The following SDK1 variants were observed in gnomAD, a reference collection of about 807,000 sequenced individuals.
SDK1 encodes the protein sidekick cell adhesion molecule 1, also known as protein sidekick-1.
SDK1 carries 157 observed loss-of-function variants against 245.5 expected under a neutral mutation model. The observed-to-expected ratio is 0.64, with a 90% CI of 0.56 to 0.73. The LOEUF is 0.73. SDK1 is among the 30% of genes least tolerant of loss of function. The pLI is 0.00. For synonymous variants in SDK1, 1,647 were observed against 1,278.5 expected, an observed-to-expected ratio of 1.29 and a Z score of -6.15; for missense variants, 3,583 against 3,002.3, an observed-to-expected ratio of 1.19 and a Z score of -4.52.
intron 4 of SDK1, among the ~76,000 whole-genome samples, chr7:3,799,253 C>A (rs916936301): frequency 1.3e-5 from 2 of 152,056 alleles, no homozygotes; most frequent in Admixed American, 6.6e-5. Context: ...GTTAAATCTT[C>A]CAACTGAATC....
At chr7:3,605,139 A>G (rs1264336983) in intron 1 of SDK1, among the ~76,000 whole-genome samples, 1 of 71,290 alleles carries the variant, frequency 1.4e-5, no homozygotes, top group Non-Finnish European at 2.4e-5. Flanking sequence ...GAAAAAAAAA[A>G]CAAGAAACAC....
Position 3,850,775 on chromosome 7 carries a change from G to A in SDK1, c.847+29192G>A, listed in dbSNP as rs1033965096. Among the ~76,000 whole-genome samples the A allele has an allele frequency of 5.3e-5, 8 of 150,116 alleles. No homozygotes were observed. The East Asian group carries it at 7.9e-4, about 15-fold the overall frequency. On this transcript the variant is annotated intron_variant, in intron 5 of 44. Coordinates refer to ENST00000404826, the MANE Select transcript of SDK1 (RefSeq NM_152744.4). ...CGCAAGAACAAAAAAACCAAACACC[G>A]CATGTTCTCACTCATAGGTGGGAAT...
chr7:4,137,669 C>T (rs1327363269), intron 28 of SDK1, among the ~76,000 whole-genome samples: 1 of 152,182 alleles, frequency 6.6e-6, no homozygotes, highest in Non-Finnish European at 1.5e-5. Context: ...TCACCCATAC[C>T]CTTAAAAACA....
intron 5 of SDK1, among the ~76,000 whole-genome samples, chr7:3,930,647 G>A (rs1043040405): frequency 1.3e-5 from 2 of 152,114 alleles, no homozygotes; most frequent in Non-Finnish European, 2.9e-5. Context: ...AAAAAAATTA[G>A]CCACGCATGG....
chr7:3,757,719 A>T (rs965431126), intron 4 of SDK1, among the ~76,000 whole-genome samples: 1 of 151,986 alleles, frequency 6.6e-6, no homozygotes, highest in African/African-American at 2.4e-5. Flanking sequence ...GGCTCTTCCA[A>T]CCCCATTGCT....
chr7:4,033,485 C>G (rs575783802), intron 17 of SDK1, among the ~76,000 whole-genome samples: 59 of 151,938 alleles, frequency 3.9e-4, no homozygotes, highest in Non-Finnish European at 6.5e-4. Context: ...CTTTAAAAAG[C>G]TAAAATATTC....
At chr7:4,206,134 T>TA in intron 36 of SDK1, 140 bp downstream of exon 36, 1 of 617,968 alleles carries the variant, frequency 1.6e-6, no homozygotes, top group South Asian at 2.0e-5. Context: ...GGAGCTTGGC[T>TA]AGACCTGGCC....
At chr7:3,954,215 G>A (rs1252176859) in intron 7 of SDK1, among the ~76,000 whole-genome samples, 2 of 150,248 alleles carry the variant, frequency 1.3e-5, no homozygotes, top group Non-Finnish European at 3.0e-5. Context: ...CAGTCCTGTG[G>A]AGCAGCCCCT....
At chr7:3,977,442 T>C (rs1197682279) in intron 13 of SDK1, among the ~76,000 whole-genome samples, 1 of 151,514 alleles carries the variant, frequency 6.6e-6, no homozygotes, top group African/African-American at 2.4e-5. Flanking sequence ...GTCCTCCAGC[T>C]TTTGTGTACG....
At chr7:3,722,309 A>G (rs892558116) in intron 4 of SDK1, among the ~76,000 whole-genome samples, 3 of 152,192 alleles carry the variant, frequency 2.0e-5, no homozygotes, top group Admixed American at 6.5e-5. Context: ...AGGAGCCCCA[A>G]GAACAGTCGA....
intron 1 of SDK1, among the ~76,000 whole-genome samples, chr7:3,587,179 G>A (rs1218797416): frequency 6.6e-6 from 1 of 152,176 alleles, no homozygotes; most frequent in Admixed American, 6.5e-5. Flanking sequence ...AAAGAACTAA[G>A]AATTTAGCGG....
At chr7:3,687,395 G>A (rs928548652) in intron 4 of SDK1, among the ~76,000 whole-genome samples, 1 of 152,088 alleles carries the variant, frequency 6.6e-6, no homozygotes, top group African/African-American at 2.4e-5. Flanking sequence ...CCAAAGTGCT[G>A]GGATTACAGG....
At chr7:3,604,698 G>A (rs1781366823) in intron 1 of SDK1, among the ~76,000 whole-genome samples, 1 of 149,934 alleles carries the variant, frequency 6.7e-6, no homozygotes, top group Non-Finnish European at 1.5e-5. Flanking sequence ...TACCTCCTGG[G>A]TTCAAGTGAT....
intron 4 of SDK1, among the ~76,000 whole-genome samples, chr7:3,802,495 G>A (rs543354183): frequency 1.1e-4 from 16 of 151,740 alleles, no homozygotes; most frequent in South Asian, 8.3e-4. Context: ...TGATCATGCC[G>A]TTGCACTCCA....
At chr7:4,192,692 T>C (rs1783279865) in intron 35 of SDK1, among the ~76,000 whole-genome samples, 1 of 152,252 alleles carries the variant, frequency 6.6e-6, no homozygotes, top group Middle Eastern at 3.4e-3. Flanking sequence ...AGTCAAAACA[T>C]GTACGTGACT....
chr7:3,764,681 C>G (rs778477360), intron 4 of SDK1, among the ~76,000 whole-genome samples: 63 of 149,196 alleles, frequency 4.2e-4, no homozygotes, highest in Non-Finnish European at 5.3e-4. Flanking sequence ...GACTCTGTCT[C>G]AAAAAATAAA....
At chr7:4,240,752 G>A (rs1786467753) in intron 42 of SDK1, among the ~76,000 whole-genome samples, 1 of 152,184 alleles carries the variant, frequency 6.6e-6, no homozygotes, top group African/African-American at 2.4e-5. Flanking sequence ...CTGAGAAACA[G>A]AGGTCACTTT....
In SDK1 at chr7:3,861,361, C is replaced by T. The variant is rs570626881; in HGVS notation, c.847+39778C>T. ...AGCAAAATTCGCTTGTAGTTCCATT[C>T]GGTATCTTTAAAGTTGAAGCATCTT... is the stretch of plus-strand genomic sequence containing the variant. On this transcript the variant is annotated intron_variant, in intron 5 of 44. Coordinates refer to ENST00000404826, the MANE Select transcript of SDK1 (RefSeq NM_152744.4). 2.0e-5 allele frequency among the ~76,000 whole-genome samples: 3 copies of T among 152,276 alleles called. No homozygotes were observed. In the South Asian group the frequency reaches 6.2e-4, roughly 32 times the overall value.
intron 2 of SDK1, among the ~76,000 whole-genome samples, chr7:3,631,081 A>G (rs1782274808): frequency 6.6e-6 from 1 of 152,074 alleles, no homozygotes; most frequent in South Asian, 2.1e-4. Flanking sequence ...CTACAGGCAC[A>G]TGCTGCCACG....
Sources: gnomAD v4.1 joint callset for allele counts (sites outside exome capture counted in the v4.1 genomes callset) on GRCh38, gnomAD v4.1.1 for gene constraint, MANE v1.5 for transcripts, NCBI Gene and HGNC (gene_info 2026-07-23, HGNC 2026-07-21) for gene names.